RACK1: variants seen among roughly 807,000 people sequenced by gnomAD.
RACK1 encodes receptor for activated C kinase 1.
A neutral mutation model predicts 42.2 loss-of-function variants in RACK1; 3 were observed. That is an observed-to-expected ratio of 0.07 (90% confidence interval 0.03 to 0.18). RACK1 has a LOEUF of 0.18. RACK1 is among the 10% of genes least tolerant of loss of function. The pLI is 1.00. For synonymous variants in RACK1, 181 were observed against 154.8 expected, an observed-to-expected ratio of 1.17 and a Z score of -1.25; for missense variants, 146 against 403.2, an observed-to-expected ratio of 0.36 and a Z score of 5.46.
chr5:181,239,624 C>G, intron 3 of RACK1, 42 bp from the exon 4 acceptor site: 3 of 1,325,738 alleles, frequency 2.3e-6, no homozygotes, highest in Non-Finnish European at 3.3e-6. Flanking sequence ...CAGTCCTATC[C>G]CATGAAATGC....
intron 1 of RACK1, chr5:181,242,892 TACAG>T: frequency 3.0e-6 from 1 of 329,592 alleles, no homozygotes; most frequent in Non-Finnish European, 5.9e-6. Context: ...GTGCCAGAAA[TACAG>T]ACACCCTTTC....
Position 181,243,701 on chromosome 5 carries a change from C to T in RACK1, c.100G>A (p.Ala34Thr). The change falls in exon 1 of 8, where the codon GCC becomes ACC. Residue 34 changes from alanine (A) to threonine (T), a missense_variant. Physicochemically the swap from Ala to Thr is moderately conservative, Grantham distance 58 (BLOSUM62 0). Coordinates refer to ENST00000512805, the MANE Select transcript of RACK1 (RefSeq NM_006098.5). ...TPQFPDMILS[A>T]SRDKTIIMWK... ...CTACCTTAGTCCGTACCTCGAGAGGCGGAGAGGATCATGTCCGGGAACTGC... is the reference window on the plus strand; with the variant it reads ...CTACCTTAGTCCGTACCTCGAGAGGTGGAGAGGATCATGTCCGGGAACTGC... 6.2e-7 allele frequency: 1 copy of T among 1,604,178 alleles called. No homozygotes were observed. The highest frequency in any genetic ancestry group is 8.5e-7 in the Non-Finnish European group (1 of 1,175,456).
intron 1 of RACK1, chr5:181,242,959 G>A: frequency 8.9e-6 from 3 of 336,564 alleles, no homozygotes; most frequent in Non-Finnish European, 1.7e-5. Context: ...GCAACCAAAT[G>A]CACAGCAGTT....
At position 181,243,785 on chromosome 5, in the gene RACK1, T is replaced by C. The variant is rs11540191; in HGVS notation, c.16A>G (p.Thr6Ala). ...TGGCCCTTGAGGGTGCCACGAAGGGTCATCTGCTCAGTCATGGCGGCGGCG... is the reference window on the plus strand; with the variant it reads ...TGGCCCTTGAGGGTGCCACGAAGGGCCATCTGCTCAGTCATGGCGGCGGCG... The part of the protein sequence containing the change: MTEQM[T>A]LRGTLKGHNG... The change falls in exon 1 of 8, where the codon ACC becomes GCC. Residue 6 changes from threonine (T) to alanine (A), a missense_variant. Coordinates refer to ENST00000512805, the MANE Select transcript of RACK1 (RefSeq NM_006098.5). The C allele has an allele frequency of 6.2e-7, 1 of 1,605,996 alleles. No homozygotes were observed. Among genetic ancestry groups the C allele is most frequent in the Non-Finnish European group, 8.5e-7 (1 of 1,176,430 alleles).
In RACK1 at chr5:181,240,057, TATAATA is replaced by T. The variant is rs908323293; in HGVS notation, c.430-481_430-476del. On this transcript the variant is annotated intron_variant, in intron 3 of 7. Transcript: ENST00000512805. The stretch of plus-strand genomic sequence containing the variant: ...AGTGAAACTTCATCTCCAAAAAAAA[TATAATA>T]ATAATAATAGGGCCTGGTGTGGTGG... Among the ~76,000 whole-genome samples the T allele has an allele frequency of 7.4e-4, 112 of 151,038 alleles. 3 individuals are homozygous for T. The highest frequency in any genetic ancestry group is 1.0e-4 in the Non-Finnish European group (7 of 67,814).
intron 3 of RACK1, 97 bp downstream of exon 3, chr5:181,241,395 A>C (rs1001718850): frequency 9.1e-7 from 1 of 1,098,804 alleles, no homozygotes; most frequent in Non-Finnish European, 1.3e-6. Flanking sequence ...GCGCCACTGC[A>C]CTCCAGCTTG....
chr5:181,238,452 C>T (rs773666887), intron 5 of RACK1: 24 of 535,750 alleles, frequency 4.5e-5, no homozygotes, highest in Non-Finnish European at 7.0e-5. Context: ...TCCCAACTTA[C>T]ATAAATCACT....
At chr5:181,240,827 G>A (rs991052725) in intron 3 of RACK1, 16 of 152,140 alleles carry the variant, frequency 1.1e-4, no homozygotes, top group African/African-American at 3.9e-4. Flanking sequence ...GCCCAGACAA[G>A]ACTTTAAAAA....
rs1270470702 is a variant in RACK1, at chr5:181,242,507, G to C, written c.110-162C>G. On this transcript the variant is annotated intron_variant, in intron 1 of 7. Coordinates refer to ENST00000512805, the MANE Select transcript of RACK1 (RefSeq NM_006098.5). ...ACAAGAGCAGTTACAGACCAGGACTGAGTGGCTCTATTCCAGACTAAAAAC... is the reference window on the plus strand; with the variant it reads ...ACAAGAGCAGTTACAGACCAGGACTCAGTGGCTCTATTCCAGACTAAAAAC... 1.2e-5 allele frequency: 8 copies of C among 680,608 alleles called. No homozygotes were observed. In the East Asian group the frequency reaches 1.9e-4, roughly 16 times the overall value. The allele number at this position is 680,608 out of a possible 1,614,324, so 42.2% of individuals were successfully genotyped here.
chr5:181,243,212 TA>T, intron 1 of RACK1: 1 of 1,228,756 alleles, frequency 8.1e-7, no homozygotes, highest in Admixed American at 2.2e-5. Context: ...AACACAGGGA[TA>T]GGGACGGGGA....
intron 1 of RACK1, chr5:181,243,358 A>G: frequency 7.2e-7 from 1 of 1,385,792 alleles, no homozygotes; most frequent in Middle Eastern, 2.0e-4. Context: ...CTCAGATGGC[A>G]TGTTGGGGTC....
rs1296622455 is a variant in RACK1, at chr5:181,243,745, G to C, written c.56C>G (p.Thr19Ser). ...GTLKGHNGWV[T>S]QIATTPQFPD... ...GAACTGCGGGGTAGTAGCGATCTGG[G>C]TTACCCAGCCGTTGTGGCCCTTGAG... The change falls in exon 1 of 8, where the codon ACC (threonine) becomes AGC (serine). Residue 19 changes from threonine to serine, a missense_variant. By Grantham distance (58) the Thr-to-Ser change is moderately conservative (BLOSUM62 1). Coordinates refer to ENST00000512805, the MANE Select transcript of RACK1 (RefSeq NM_006098.5). 6.2e-7 allele frequency: 1 copy of C among 1,609,948 alleles called. No homozygotes were observed. Among genetic ancestry groups the C allele is most frequent in the African/African-American group, 1.3e-5 (1 of 74,886 alleles).
rs572331285 is a variant in RACK1 at position 181,237,350 on chromosome 5, CCAGA to C, written c.888+255_888+258del. 1,696 of 707,998 alleles carry C rather than the reference CCAGA, an allele frequency of 2.4e-3. 19 individuals are homozygous for C. The African/African-American group carries it at 0.026, about 11-fold the overall frequency. 43.9% of individuals were successfully genotyped at this position (707,998 alleles called of 1,614,324 possible). A position where few individuals can be genotyped will look rare whatever the true frequency, so the allele number is the denominator to read the frequency against. ...GGAAGAAACAGCTGGTGATAAGGCT[CCAGA>C]CATTTGAAAACTGGTCAGATTAATT... On this transcript the variant is annotated intron_variant, in intron 7 of 7. Coordinates refer to ENST00000512805, the MANE Select transcript of RACK1 (RefSeq NM_006098.5).
intron 5 of RACK1, 151 bp from the exon 6 acceptor site, chr5:181,238,390 C>G (rs1322594014): frequency 2.7e-6 from 2 of 729,878 alleles, no homozygotes; most frequent in Non-Finnish European, 4.5e-6. Flanking sequence ...ATATTTATCT[C>G]TGTATACCTT....
Position 181,239,469 on chromosome 5 carries a change from C to T in RACK1, c.525+18G>A, listed in dbSNP as rs781666486. 1.9e-6 allele frequency: 3 copies of T among 1,584,584 alleles called. No individual in the cohort carries two copies. In the East Asian group the frequency reaches 6.7e-5, roughly 35 times the overall value. ...CACACCCTGACTGGTAAAGCCCCTG[C>T]CTTGGCTTGACGCTCACCTTGACCA... On this transcript the variant is annotated intron_variant, in intron 4 of 7. Transcript: ENST00000512805.
chr5:181,238,810 A>C (rs960305089), intron 5 of RACK1: 1 of 461,336 alleles, frequency 2.2e-6, no homozygotes. Context: ...AAAAAAAAAC[A>C]AAAAACAAAC....
chr5:181,238,330 C>T (rs554014729), intron 5 of RACK1, 91 bp from the exon 6 acceptor site: 568 of 1,361,160 alleles, frequency 4.2e-4, no homozygotes, highest in Middle Eastern at 3.6e-3. Flanking sequence ...CAATTCTTAC[C>T]TTTCCTCCAT....
Position 181,238,248 on chromosome 5 carries a change from A to G in RACK1, c.637-9T>C, listed in dbSNP as rs1759211044. 1 of 1,613,802 alleles carries G rather than the reference A, an allele frequency of 6.2e-7. No homozygotes were observed. The highest frequency in any genetic ancestry group is 1.3e-5 in the African/African-American group (1 of 74,904). ...AACATGGCCTGGCCATCCTGGACAC[A>G]GGTAAGGTAAATCAGGACACTGTGA... On this transcript the variant is annotated splice_polypyrimidine_tract_variant and intron_variant, in intron 5 of 7. Transcript: ENST00000512805.
intron 6 of RACK1, 126 bp downstream of exon 6, chr5:181,237,973 T>C: frequency 3.9e-6 from 4 of 1,015,592 alleles, no homozygotes; most frequent in East Asian, 2.4e-5. Flanking sequence ...CAGACCAAAA[T>C]GTCATTACGT....
Sources: allele counts gnomAD v4.1 joint callset (sites outside exome capture counted in the v4.1 genomes callset), GRCh38; gene constraint gnomAD v4.1.1; transcripts MANE v1.5; gene names NCBI Gene and HGNC (gene_info 2026-07-23, HGNC 2026-07-21).